MAGI2: variants seen among roughly 807,000 people sequenced by gnomAD.
MAGI2 encodes the protein membrane associated guanylate kinase, WW and PDZ domain containing 2, also known as membrane-associated guanylate kinase, WW and PDZ domain-containing protein 2.
In MAGI2, 35 loss-of-function variants were observed where a neutral mutation model predicts 133.3. That is an observed-to-expected ratio of 0.26 (90% confidence interval 0.20 to 0.35). The LOEUF is 0.35. Ranked by LOEUF, MAGI2 falls within the 10% of genes least tolerant of loss-of-function variation. The pLI is 1.00. For missense variants in MAGI2, 1,636 were observed against 1,863.4 expected (o/e 0.88, Z 2.25); for synonymous variants, 729 against 710.6 (o/e 1.03, Z -0.41).
chr7:78,659,357 G>A (rs1812662856), intron 2 of MAGI2, among the ~76,000 whole-genome samples: 2 of 129,372 alleles, frequency 1.5e-5, no homozygotes, highest in African/African-American at 5.9e-5. Flanking sequence ...CCCGGGAGGT[G>A]AAGGTTGCAG....
intron 1 of MAGI2, among the ~76,000 whole-genome samples, chr7:79,323,590 C>T (rs902772807): frequency 4.6e-5 from 7 of 152,022 alleles, no homozygotes; most frequent in South Asian, 2.1e-4. Flanking sequence ...GTTTATGAGC[C>T]GCATGGCAGA....
At chr7:78,227,389 T>C (rs1789497019) in intron 10 of MAGI2, among the ~76,000 whole-genome samples, 1 of 152,200 alleles carries the variant, frequency 6.6e-6, no homozygotes, top group Non-Finnish European at 1.5e-5. Flanking sequence ...TACATCCCAG[T>C]ATGAACTTTC....
chr7:78,164,882 A>C (rs1825468148), intron 15 of MAGI2, among the ~76,000 whole-genome samples: 1 of 152,230 alleles, frequency 6.6e-6, no homozygotes, highest in Non-Finnish European at 1.5e-5. Context: ...TCTGCTAAAC[A>C]TATAAATATT....
chr7:79,340,650 T>G (rs1034193840), intron 1 of MAGI2, among the ~76,000 whole-genome samples: 1 of 152,176 alleles, frequency 6.6e-6, no homozygotes, highest in African/African-American at 2.4e-5. Flanking sequence ...TAAAAATTAT[T>G]TGTCTATTGG....
chr7:78,528,089 G>A (rs567214354), intron 3 of MAGI2, among the ~76,000 whole-genome samples: 3 of 152,302 alleles, frequency 2.0e-5, no homozygotes, highest in Admixed American at 6.5e-5. Flanking sequence ...TGCAAACAGC[G>A]CAGCTCATCA....
chr7:78,936,883 T>C (rs1328554518), intron 2 of MAGI2, among the ~76,000 whole-genome samples: 1 of 151,964 alleles, frequency 6.6e-6, no homozygotes, highest in African/African-American at 2.4e-5. Context: ...GCTACAGAAA[T>C]GAATATAAAC....
intron 10 of MAGI2, among the ~76,000 whole-genome samples, chr7:78,213,228 C>T (rs1161488863): frequency 2.6e-5 from 4 of 152,194 alleles, no homozygotes; most frequent in Admixed American, 2.6e-4. Context: ...TTGAGACCTG[C>T]AGCATCAGCC....
At chr7:78,130,191 A>G (rs1821422638) in intron 18 of MAGI2, among the ~76,000 whole-genome samples, 1 of 152,214 alleles carries the variant, frequency 6.6e-6, no homozygotes, top group Non-Finnish European at 1.5e-5. Flanking sequence ...TTCACATTAA[A>G]CATACTTTAT....
intron 2 of MAGI2, among the ~76,000 whole-genome samples, chr7:78,696,683 A>G (rs974066708): frequency 3.2e-5 from 3 of 93,830 alleles, no homozygotes; most frequent in Non-Finnish European, 6.3e-5. Context: ...CAAACTGATG[A>G]AAAAAAAAAG....
At chr7:78,083,388 GAGAGAGA>G (rs1816239861) in intron 20 of MAGI2, among the ~76,000 whole-genome samples, 1 of 9,820 alleles carries the variant, frequency 1.0e-4, no homozygotes, top group South Asian at 6.4e-3. Flanking sequence ...GGGAGGGGGG[GAGAGAGA>G]GAGAGAGAGA....
intron 2 of MAGI2, among the ~76,000 whole-genome samples, chr7:78,660,419 T>C (rs546246457): frequency 5.9e-5 from 9 of 152,158 alleles, no homozygotes; most frequent in Non-Finnish European, 8.8e-5. Context: ...TTATAGTGCT[T>C]CTCATGAAAA....
intron 2 of MAGI2, among the ~76,000 whole-genome samples, chr7:78,889,798 G>A (rs987998296): frequency 6.6e-6 from 1 of 152,080 alleles, no homozygotes; most frequent in African/African-American, 2.4e-5. Flanking sequence ...AGACCATTGA[G>A]GCTAGGAAGA....
intron 1 of MAGI2, among the ~76,000 whole-genome samples, chr7:79,446,522 T>G (rs1848864299): frequency 1.3e-5 from 2 of 152,094 alleles, no homozygotes; most frequent in African/African-American, 4.8e-5. Context: ...TAAAACCTCA[T>G]AAGGATTCAT....
At chr7:78,418,288 A>G (rs113666793) in intron 6 of MAGI2, among the ~76,000 whole-genome samples, 65 of 152,290 alleles carry the variant, frequency 4.3e-4, no homozygotes, top group African/African-American at 1.5e-3. Context: ...TTTAGAACCT[A>G]TCAAAGGAAC....
At chr7:79,116,711 G>A (rs62460842) in intron 1 of MAGI2, among the ~76,000 whole-genome samples, 10,288 of 152,190 alleles carry the variant, frequency 0.068, 503 homozygotes, top group South Asian at 0.17. Flanking sequence ...GAATGGTTTA[G>A]CAACATCACC....
At chr7:78,303,746 T>C (rs894750331) in intron 9 of MAGI2, among the ~76,000 whole-genome samples, 1 of 152,202 alleles carries the variant, frequency 6.6e-6, no homozygotes, top group African/African-American at 2.4e-5. Context: ...GGGTTTATTC[T>C]AATTAACACT....
At chr7:79,222,968 T>C (rs1830561011) in intron 1 of MAGI2, among the ~76,000 whole-genome samples, 1 of 152,054 alleles carries the variant, frequency 6.6e-6, no homozygotes, top group Admixed American at 6.5e-5. Context: ...CACTGCAAGC[T>C]CCGCCTCCCG....
At position 78,692,612 on chromosome 7, in the gene MAGI2, T is replaced by G. The variant is rs749050949; in HGVS notation, c.419-65373A>C. ...AGGTCATTAATTTTCCATATTTACA[T>G]ATAATGTTCCTCATAATACAAATCT... On this transcript the variant is annotated intron_variant, in intron 2 of 21. Coordinates refer to ENST00000354212, the MANE Select transcript of MAGI2 (RefSeq NM_012301.4). Among the ~76,000 whole-genome samples, 161 of 152,226 alleles carry G rather than the reference T, an allele frequency of 1.1e-3. 2 individuals are homozygous for G. The highest frequency in any genetic ancestry group is 2.2e-4 in the Non-Finnish European group (15 of 68,046).
chr7:78,663,776 A>T (rs1018158439), intron 2 of MAGI2, among the ~76,000 whole-genome samples: 1 of 152,182 alleles, frequency 6.6e-6, no homozygotes, highest in African/African-American at 2.4e-5. Context: ...AATGCATAAC[A>T]TGTTGTTTCC....
Sources: gnomAD v4.1 joint callset for allele counts (sites outside exome capture counted in the v4.1 genomes callset) on GRCh38, gnomAD v4.1.1 for gene constraint, MANE v1.5 for transcripts, NCBI Gene and HGNC (gene_info 2026-07-23, HGNC 2026-07-21) for gene names.